The following ME1 variants were observed in gnomAD, a reference collection of about 807,000 sequenced individuals.
ME1 encodes malic enzyme 1.
Under a neutral mutation model 66.4 loss-of-function variants are expected in ME1, and 74 were observed. The observed-to-expected ratio is 1.11, with a 90% CI of 0.92 to 1.35. ME1 has a LOEUF of 1.35. Among genes scored for constraint, ME1 ranks in the 40% most tolerant of loss-of-function variants. The pLI, the probability that ME1 is intolerant of heterozygous loss-of-function variation, is 0.00. For missense variants in ME1, 750 were observed against 694.1 expected, an observed-to-expected ratio of 1.08 and a Z score of -0.90; for synonymous variants, 251 against 235.6, an observed-to-expected ratio of 1.07 and a Z score of -0.60.
intron 6 of ME1, among the ~76,000 whole-genome samples, chr6:83,282,951 G>A (rs961726717): frequency 1.6e-4 from 24 of 151,758 alleles, no homozygotes; most frequent in Non-Finnish European, 2.7e-4. Flanking sequence ...GAGTTCGGCC[G>A]GGCGCGGTGG....
At chr6:83,248,022 G>A (rs535050942) in intron 7 of ME1, among the ~76,000 whole-genome samples, 24 of 152,178 alleles carry the variant, frequency 1.6e-4, no homozygotes, top group African/African-American at 5.8e-4. Context: ...GATCCTCAGG[G>A]CTCCTTCTTG....
chr6:83,235,112 C>T (rs1342239308), intron 9 of ME1, among the ~76,000 whole-genome samples: 1 of 152,152 alleles, frequency 6.6e-6, no homozygotes, highest in Non-Finnish European at 1.5e-5. Context: ...AGATAAACTC[C>T]TAACTCTTGC....
At chr6:83,251,095 G>A (rs1790715380) in intron 7 of ME1, among the ~76,000 whole-genome samples, 1 of 152,128 alleles carries the variant, frequency 6.6e-6, no homozygotes, top group Non-Finnish European at 1.5e-5. Context: ...GTGGGCTTGG[G>A]GCTATGTTAA....
chr6:83,357,933 CTCTATATATATATATATATATATATA>C (rs1238314997), intron 3 of ME1, among the ~76,000 whole-genome samples: 4 of 44,966 alleles, frequency 8.9e-5, no homozygotes, highest in African/African-American at 3.1e-4. Flanking sequence ...CTCTCTCTCT[CTCTATATATATATATATATATATATA>C]TATATATATA....
intron 3 of ME1, among the ~76,000 whole-genome samples, chr6:83,375,887 G>T (rs984320593): frequency 6.6e-6 from 1 of 151,994 alleles, no homozygotes; most frequent in African/African-American, 2.4e-5. Context: ...TTTATGTAAT[G>T]GATTACATTA....
intron 2 of ME1, among the ~76,000 whole-genome samples, chr6:83,402,385 C>A (rs1274607891): frequency 2.0e-5 from 3 of 152,124 alleles, no homozygotes; most frequent in African/African-American, 7.2e-5. Context: ...TCCTTTCTAC[C>A]CCTGTGACTT....
At chr6:83,367,109 T>C (rs1769113447) in intron 3 of ME1, among the ~76,000 whole-genome samples, 1 of 152,208 alleles carries the variant, frequency 6.6e-6, no homozygotes, top group South Asian at 2.1e-4. Flanking sequence ...CCATCAGAGC[T>C]CTTATGTGAC....
At chr6:83,355,244 C>A (rs1768866684) in intron 3 of ME1, among the ~76,000 whole-genome samples, 1 of 151,776 alleles carries the variant, frequency 6.6e-6, no homozygotes, top group African/African-American at 2.4e-5. Context: ...ACATTCTTGG[C>A]AATATACTAT....
At chr6:83,400,986 C>G (rs1769827252) in intron 2 of ME1, among the ~76,000 whole-genome samples, 1 of 152,136 alleles carries the variant, frequency 6.6e-6, no homozygotes, top group Non-Finnish European at 1.5e-5. Context: ...GCTCAAAACT[C>G]ACCTTCTCAA....
chr6:83,307,345 A>C (rs1767843212), intron 6 of ME1, among the ~76,000 whole-genome samples: 1 of 152,070 alleles, frequency 6.6e-6, no homozygotes, highest in African/African-American at 2.4e-5. Context: ...AAAAATTCTG[A>C]GTCAGAAACC....
At chr6:83,376,160 A>T (rs1312605052) in intron 3 of ME1, among the ~76,000 whole-genome samples, 1 of 152,194 alleles carries the variant, frequency 6.6e-6, no homozygotes, top group Non-Finnish European at 1.5e-5. Context: ...TTTATTAATC[A>T]TATAAGCTGT....
At chr6:83,398,932 T>C (rs1769793128) in intron 2 of ME1, among the ~76,000 whole-genome samples, 1 of 151,534 alleles carries the variant, frequency 6.6e-6, no homozygotes, top group Non-Finnish European at 1.5e-5. Context: ...TGAAACCCCA[T>C]CTCCTGAGTA....
intron 9 of ME1, among the ~76,000 whole-genome samples, chr6:83,234,912 C>T (rs189121045): frequency 6.6e-6 from 1 of 152,268 alleles, no homozygotes; most frequent in African/African-American, 2.4e-5. Flanking sequence ...TGTAAAGTGA[C>T]TTATTCACTC....
At chr6:83,315,198 T>C (rs1768006788) in intron 6 of ME1, 112 bp downstream of exon 6, 1 of 657,670 alleles carries the variant, frequency 1.5e-6, no homozygotes, top group East Asian at 2.7e-5. Flanking sequence ...ATATGCATTT[T>C]TCATTCAAAT....
chr6:83,257,688 G>A (rs986999218), intron 6 of ME1, among the ~76,000 whole-genome samples: 1 of 152,042 alleles, frequency 6.6e-6, no homozygotes, highest in Non-Finnish European at 1.5e-5. Flanking sequence ...TCATTTCTAT[G>A]GTTACAAATT....
At chr6:83,262,176 G>A (rs1424384915) in intron 6 of ME1, among the ~76,000 whole-genome samples, 1 of 152,146 alleles carries the variant, frequency 6.6e-6, no homozygotes, top group African/African-American at 2.4e-5. Context: ...CTGATGGACG[G>A]CAAAGGTGGA....
At chr6:83,229,726 C>A (rs568946186) in intron 9 of ME1, among the ~76,000 whole-genome samples, 26 of 152,246 alleles carry the variant, frequency 1.7e-4, no homozygotes, top group Non-Finnish European at 3.4e-4. Flanking sequence ...AGAATCACCC[C>A]GGGCAAAAAC....
intron 5 of ME1, 89 bp downstream of exon 5, chr6:83,346,084 T>G: frequency 9.5e-7 from 1 of 1,050,340 alleles, no homozygotes; most frequent in East Asian, 2.7e-5. Context: ...AAAGAATGAA[T>G]TTTATGAGTT....
chr6:83,343,308 G>A (rs985529623), intron 5 of ME1, among the ~76,000 whole-genome samples: 1 of 152,154 alleles, frequency 6.6e-6, no homozygotes, highest in Non-Finnish European at 1.5e-5. Flanking sequence ...TTAACATAAT[G>A]AGTAGGTACT....
Sources: allele counts gnomAD v4.1 joint callset (sites outside exome capture counted in the v4.1 genomes callset), GRCh38; gene constraint gnomAD v4.1.1; transcripts MANE v1.5; gene names NCBI Gene and HGNC (gene_info 2026-07-23, HGNC 2026-07-21).